AGBL3: variants seen among roughly 807,000 people sequenced by gnomAD.
AGBL3 encodes the protein cytosolic carboxypeptidase 3.
A neutral mutation model predicts 94.5 loss-of-function variants in AGBL3; 68 were observed. That is an observed-to-expected ratio of 0.72 (90% CI 0.59 to 0.88). AGBL3 has a LOEUF of 0.88. AGBL3 is among the 40% of genes least tolerant of loss of function. The pLI, the probability that AGBL3 is intolerant of heterozygous loss-of-function variation, is 0.00. For synonymous variants in AGBL3, 354 were observed against 370.7 expected, an observed-to-expected ratio of 0.95 and a Z score of 0.52; for missense variants, 934 against 1,103.8, an observed-to-expected ratio of 0.85 and a Z score of 2.18.
At chr7:134,986,814 C>G (rs1390765719) in intron 1 of AGBL3, 113 bp downstream of exon 1, 2 of 152,284 alleles carry the variant, frequency 1.3e-5, no homozygotes, top group African/African-American at 4.8e-5. Context: ...ACTCGGCCGC[C>G]CGGAGTTGTG....
At chr7:135,092,236 T>A (rs1207122198) in intron 15 of AGBL3, 1 of 152,210 alleles carries the variant, frequency 6.6e-6, no homozygotes, top group Non-Finnish European at 1.5e-5. Flanking sequence ...AAAAGTAACT[T>A]ATGAGCTGAG....
At chr7:134,990,339 C>G (rs895628196) in intron 3 of AGBL3, among the ~76,000 whole-genome samples, 3 of 152,184 alleles carry the variant, frequency 2.0e-5, no homozygotes, top group Admixed American at 2.0e-4. Context: ...TAGAATTTCA[C>G]AAAACAGAAT....
At chr7:135,094,610 T>C (rs1822371948) in intron 15 of AGBL3, 1 of 448,960 alleles carries the variant, frequency 2.2e-6, no homozygotes, top group Non-Finnish European at 4.5e-6. Flanking sequence ...AGAGTAAACA[T>C]TGTGAAATAC....
At chr7:135,070,353 G>A (rs1328056328) in intron 12 of AGBL3, among the ~76,000 whole-genome samples, 8 of 152,264 alleles carry the variant, frequency 5.3e-5, no homozygotes, top group Non-Finnish European at 4.4e-5. Context: ...GAAAAAGAGG[G>A]AATCCTCCCT....
chr7:135,071,033 G>T (rs7777249), intron 12 of AGBL3, among the ~76,000 whole-genome samples: 4 of 151,876 alleles, frequency 2.6e-5, no homozygotes, highest in Non-Finnish European at 5.9e-5. Context: ...CAAAGTCTCA[G>T]GATACAAAAT....
chr7:135,102,135 C>G (rs781240248), intron 15 of AGBL3, among the ~76,000 whole-genome samples: 3 of 152,146 alleles, frequency 2.0e-5, no homozygotes, highest in Admixed American at 6.5e-5. Flanking sequence ...TAAAAACAGA[C>G]TAATACAATG....
intron 8 of AGBL3, among the ~76,000 whole-genome samples, chr7:135,039,973 G>A (rs6976021): frequency 0.49 from 73,650 of 151,698 alleles, 18,230 homozygotes; most frequent in South Asian, 0.66. Context: ...GGAAGAGAAC[G>A]AGGAGGAGGG....
chr7:135,120,698 C>G (rs560861161), intron 16 of AGBL3, among the ~76,000 whole-genome samples: 3 of 152,170 alleles, frequency 2.0e-5, no homozygotes, highest in African/African-American at 7.2e-5. Flanking sequence ...TCACAAGAAA[C>G]TCATTTCAAA....
At position 134,993,618 on chromosome 7, in the gene AGBL3, T is replaced by C. The variant is rs771356904; in HGVS notation, c.250T>C (p.Leu84=). Residue 84 remains leucine (L), a synonymous_variant, in exon 4 of 17, where the codon TTG becomes CTG. Coordinates refer to ENST00000436302, the MANE Select transcript of AGBL3 (RefSeq NM_178563.4). ...DLYGVSSSGP[L]SPTRWPYHCE... ...ATATGGTGTCTCTTCTTCTGGTCCA[T>C]TGAGCCCAACACGGTGGCCATACCA... 102 of 1,552,064 alleles carry C rather than the reference T, an allele frequency of 6.6e-5. 2 individuals carry two copies. The South Asian group carries it at 1.0e-3, about 16-fold the overall frequency.
chr7:135,064,104 C>T (rs1192348641), intron 12 of AGBL3, among the ~76,000 whole-genome samples: 2 of 152,180 alleles, frequency 1.3e-5, no homozygotes, highest in Non-Finnish European at 1.5e-5. Context: ...CAAATTAAGA[C>T]ATATGTCCAA....
chr7:135,050,232 A>G (rs773981805), intron 11 of AGBL3, among the ~76,000 whole-genome samples: 27 of 151,778 alleles, frequency 1.8e-4, no homozygotes, highest in Admixed American at 4.6e-4. Flanking sequence ...CTATTTATCT[A>G]GTTTCACCCC....
intron 4 of AGBL3, among the ~76,000 whole-genome samples, chr7:135,009,632 C>T (rs2133452724): frequency 6.6e-6 from 1 of 152,176 alleles, no homozygotes; most frequent in Non-Finnish European, 1.5e-5. Context: ...GCTGCTGTTC[C>T]CCTCCCCAAC....
At chr7:134,991,449 A>G (rs1464265920) in intron 3 of AGBL3, among the ~76,000 whole-genome samples, 2 of 151,808 alleles carry the variant, frequency 1.3e-5, no homozygotes, top group African/African-American at 4.9e-5. Context: ...GTTTTCTTGT[A>G]TGTGTACATA....
rs1448346397 is a variant in AGBL3 at position 135,135,054 on chromosome 7, A to G, written c.2556A>G (p.Ile852Met). The change falls in exon 17 of 17, where the codon ATA (isoleucine) becomes ATG (methionine). Residue 852 changes from isoleucine to methionine, a missense_variant. Physicochemically the swap from Ile to Met is conservative, Grantham distance 10. Coordinates refer to ENST00000436302, the MANE Select transcript of AGBL3 (RefSeq NM_178563.4). ...SQIWAIKNEDIKPLSSKWETA... is the reference protein window; with the variant it reads ...SQIWAIKNEDMKPLSSKWETA... ...TCTGGGCCATAAAGAATGAAGACAT[A>G]AAACCTCTCAGCAGCAAGTGGGAGA... 1.3e-6 allele frequency: 2 copies of G among 1,551,136 alleles called. No homozygotes were observed. Among genetic ancestry groups the G allele is most frequent in the East Asian group, 4.9e-5 (2 of 40,910 alleles).
chr7:134,996,756 C>T (rs568012502), intron 4 of AGBL3, among the ~76,000 whole-genome samples: 2 of 152,180 alleles, frequency 1.3e-5, no homozygotes, highest in South Asian at 2.1e-4. Flanking sequence ...TGCATATATA[C>T]GTACATATTT....
At chr7:135,119,729 T>C (rs1400067460) in intron 16 of AGBL3, among the ~76,000 whole-genome samples, 1 of 151,928 alleles carries the variant, frequency 6.6e-6, no homozygotes, top group African/African-American at 2.4e-5. Context: ...TACAAAAAAT[T>C]AGCTGGGCGT....
intron 11 of AGBL3, among the ~76,000 whole-genome samples, chr7:135,047,605 T>C (rs1386315799): frequency 6.6e-6 from 1 of 152,028 alleles, no homozygotes; most frequent in Non-Finnish European, 1.5e-5. Context: ...GTGTTTTAAT[T>C]TGCATTTCCC....
intron 3 of AGBL3, 41 bp downstream of exon 3, chr7:134,989,351 TTGAA>T (rs754290157): frequency 1.9e-5 from 25 of 1,348,838 alleles, no homozygotes; most frequent in Middle Eastern, 1.8e-4. Flanking sequence ...GCATAAAACT[TTGAA>T]TGGATAAAAA....
In AGBL3 at chr7:135,034,829, A is replaced by G; in HGVS notation, c.1238A>G (p.Tyr413Cys). Residue 413 changes from tyrosine to cysteine, a missense_variant, in exon 7 of 17, where the codon TAT becomes TGT. Physicochemically the swap from Tyr to Cys is radical, Grantham distance 194. Around this residue, in one of 3 missense-constraint regions of AGBL3, gnomAD observed 488 missense variants for 563.6 expected, o/e 0.87. Coordinates refer to ENST00000436302, the MANE Select transcript of AGBL3 (RefSeq NM_178563.4). ...CCAGATGGTGTGATTGTGGGAAATT[A>G]TCGCTGTTCCTTAGCTGGACGGGAT... ...LNPDGVIVGN[Y>C]RCSLAGRDLN... 6.4e-7 allele frequency: 1 copy of G among 1,552,032 alleles called. No homozygotes were observed. The highest frequency in any genetic ancestry group is 8.7e-7 in the Non-Finnish European group (1 of 1,147,116).
Sources: gnomAD v4.1 joint callset for allele counts (sites outside exome capture counted in the v4.1 genomes callset) on GRCh38, gnomAD v4.1.1 for gene constraint, gnomAD v4.1.1 regional missense constraint, MANE v1.5 for transcripts, NCBI Gene and HGNC (gene_info 2026-07-23, HGNC 2026-07-21) for gene names.